The following PGAP4 variants were observed in gnomAD, a reference collection of about 807,000 sequenced individuals.
The protein encoded by PGAP4 is post-GPI attachment to proteins GalNAc transferase 4.
A neutral mutation model predicts 28.2 loss-of-function variants in PGAP4; 12 were observed. The observed-to-expected ratio is 0.42, with a 90% CI of 0.27 to 0.69. The LOEUF (loss-of-function observed/expected upper bound fraction) is 0.69, where lower values mean the gene tolerates loss of function less well. Among genes scored for constraint, PGAP4 ranks in the 30% least tolerant of loss-of-function variants. The pLI is 0.22. For missense variants in PGAP4, 425 were observed against 513.5 expected (o/e 0.83, Z 1.67); for synonymous variants, 205 against 211.8 (o/e 0.97, Z 0.28).
intron 2 of PGAP4, among the ~76,000 whole-genome samples, chr9:101,505,669 T>C (rs1178648391): frequency 6.6e-6 from 1 of 152,120 alleles, no homozygotes; most frequent in Non-Finnish European, 1.5e-5. Context: ...AAATGAGGGC[T>C]AGAGTTAAAG....
chr9:101,491,034 C>A (rs1329016138), upstream of PGAP4, among the ~76,000 whole-genome samples: 1 of 152,138 alleles, frequency 6.6e-6, no homozygotes, highest in Non-Finnish European at 1.5e-5. Context: ...GACCATTACA[C>A]CATTTAATAA....
intron 2 of PGAP4, among the ~76,000 whole-genome samples, chr9:101,494,314 G>A (rs1826717196): frequency 1.3e-5 from 2 of 151,644 alleles, no homozygotes; most frequent in Non-Finnish European, 2.9e-5. Flanking sequence ...ATTTATGAAT[G>A]GTTTTTACAT....
chr9:101,512,960 G>C (rs1826909947), intron 2 of PGAP4, among the ~76,000 whole-genome samples: 1 of 152,050 alleles, frequency 6.6e-6, no homozygotes, highest in Non-Finnish European at 1.5e-5. Context: ...GACACTTTGG[G>C]AGCTGAATTT....
intron 2 of PGAP4, among the ~76,000 whole-genome samples, chr9:101,509,474 A>T (rs769070951): frequency 2.0e-5 from 3 of 152,156 alleles, no homozygotes; most frequent in Non-Finnish European, 2.9e-5. Flanking sequence ...GCCAGTGGTG[A>T]CTATTTTTCT....
chr9:101,496,376 T>A (rs1826748128), intron 2 of PGAP4, among the ~76,000 whole-genome samples: 1 of 151,588 alleles, frequency 6.6e-6, no homozygotes, highest in Non-Finnish European at 1.5e-5. Context: ...GTTGAACTTT[T>A]GAGATGTAAA....
chr9:101,533,670 G>A (rs1432869931), upstream of PGAP4: 1 of 152,262 alleles, frequency 6.6e-6, no homozygotes. Flanking sequence ...TACTCTTAGA[G>A]GTCGTAGCCA....
At chr9:101,495,131 T>C (rs1826727797) in intron 2 of PGAP4, among the ~76,000 whole-genome samples, 1 of 124,688 alleles carries the variant, frequency 8.0e-6, no homozygotes, top group African/African-American at 3.0e-5. Flanking sequence ...TTATTTACTA[T>C]TTCTATAAGA....
At chr9:101,484,783 C>A (rs975603569) in intron 1 of PGAP4, among the ~76,000 whole-genome samples, 1 of 152,190 alleles carries the variant, frequency 6.6e-6, no homozygotes, top group East Asian at 1.9e-4. Context: ...GAATGTGTTA[C>A]AGCAGCTCAA....
At chr9:101,514,349 T>G (rs912686960) in intron 2 of PGAP4, among the ~76,000 whole-genome samples, 3 of 152,214 alleles carry the variant, frequency 2.0e-5, no homozygotes, top group Non-Finnish European at 2.9e-5. Flanking sequence ...TTTAACTGAT[T>G]AAAATATTTT....
chr9:101,514,273 C>T (rs991459890), intron 2 of PGAP4, among the ~76,000 whole-genome samples: 4 of 152,156 alleles, frequency 2.6e-5, no homozygotes, highest in African/African-American at 9.7e-5. Flanking sequence ...AATCTACATT[C>T]CTTTCGTGTC....
At chr9:101,483,784 T>C (rs1432348083) in intron 1 of PGAP4, among the ~76,000 whole-genome samples, 1 of 152,052 alleles carries the variant, frequency 6.6e-6, no homozygotes, top group African/African-American at 2.4e-5. Context: ...GCAACTCAAA[T>C]ATCTAGAAAT....
At chr9:101,528,582 G>A (rs1211026002) in intron 2 of PGAP4, among the ~76,000 whole-genome samples, 1 of 152,024 alleles carries the variant, frequency 6.6e-6, no homozygotes, top group Non-Finnish European at 1.5e-5. Flanking sequence ...CCAAGGCCAG[G>A]TGGGTTTCTA....
upstream of PGAP4, among the ~76,000 whole-genome samples, chr9:101,491,181 C>T (rs575202245): frequency 2.0e-5 from 3 of 152,132 alleles, no homozygotes; most frequent in African/African-American, 4.8e-5. Context: ...GGCAATGGTA[C>T]GCTTATTCTG....
At chr9:101,511,637 C>T (rs923284257) in intron 2 of PGAP4, among the ~76,000 whole-genome samples, 2 of 152,034 alleles carry the variant, frequency 1.3e-5, no homozygotes, top group African/African-American at 2.4e-5. Context: ...TAAGATGATA[C>T]AAAGAATCAG....
In PGAP4 at chr9:101,486,592, C is replaced by T. The variant is rs2118560215; in HGVS notation, c.-78+357G>A. ...CCCAGACTGGCACGCGCCCCGCTCG[C>T]GTCCTTCTATTGACCTGTCAGCGCA... On this transcript the variant is annotated intron_variant, in intron 1 of 1. Transcript: ENST00000374848. This position sits in a 1 kb window ranked among gnomAD's most constrained non-coding sequence, Gnocchi z 4.7. Among the ~76,000 whole-genome samples, 1 of 152,308 alleles carries T rather than the reference C, an allele frequency of 6.6e-6. No homozygotes were observed. Among genetic ancestry groups the T allele is most frequent in the South Asian group, 2.1e-4 (1 of 4,832 alleles).
chr9:101,485,559 A>C (rs1826594357), intron 1 of PGAP4, among the ~76,000 whole-genome samples: 1 of 152,222 alleles, frequency 6.6e-6, no homozygotes, highest in Non-Finnish European at 1.5e-5. Flanking sequence ...GGGCAGAAGA[A>C]TTAACAATCA....
rs71356369 is a variant in PGAP4 at position 101,523,619 on chromosome 9, C to CTTTTTTTTTT, written c.-165+7719_-165+7728dup. On this transcript the variant is annotated intron_variant, in intron 2 of 3. Transcript: ENST00000374851. ...ACATTTCTCCCCTCACTTCTTGTATCTTTTTTTTTTTTTTTTTTTTTTTTT... is the reference window on the plus strand; with the variant it reads ...ACATTTCTCCCCTCACTTCTTGTATCTTTTTTTTTTTTTTTTTTTTTTTTTTTTTTTTTTT... 6.5e-3 allele frequency among the ~76,000 whole-genome samples: 383 copies of CTTTTTTTTTT among 59,250 alleles called. 34 individuals are homozygous for CTTTTTTTTTT. The Middle Eastern group carries it at 0.067, about 10-fold the overall frequency. 38.9% of individuals were successfully genotyped at this position (59,250 alleles called of 152,430 possible). A position where few individuals can be genotyped will look rare whatever the true frequency, so the allele number is the denominator to read the frequency against.
intron 2 of PGAP4, among the ~76,000 whole-genome samples, chr9:101,512,056 T>A (rs1308715843): frequency 6.6e-6 from 1 of 152,130 alleles, no homozygotes; most frequent in Non-Finnish European, 1.5e-5. Context: ...AGAATGATGA[T>A]CACTGAGTGT....
chr9:101,523,619 C>CTTTTTTTTTTTTTTTTTTTTTTT lies in PGAP4; in HGVS notation c.-165+7706_-165+7728dup, dbSNP rs71356369. ...ACATTTCTCCCCTCACTTCTTGTAT[C>CTTTTTTTTTTTTTTTTTTTTTTT]TTTTTTTTTTTTTTTTTTTTTTTTT... On this transcript the variant is annotated intron_variant, in intron 2 of 3. Transcript: ENST00000374851. Among the ~76,000 whole-genome samples the CTTTTTTTTTTTTTTTTTTTTTTT allele has an allele frequency of 4.0e-4, 24 of 59,344 alleles. 1 individual carries two copies. Among genetic ancestry groups the CTTTTTTTTTTTTTTTTTTTTTTT allele is most frequent in the African/African-American group, 9.9e-4 (14 of 14,124 alleles). The allele number at this position is 59,344 out of a possible 152,430, so 38.9% of individuals were successfully genotyped here.
Sources: gnomAD v4.1 joint callset for allele counts (sites outside exome capture counted in the v4.1 genomes callset) on GRCh38, gnomAD v4.1.1 for gene constraint, Gnocchi (gnomAD v3.1) non-coding constraint, MANE v1.5 for transcripts, NCBI Gene and HGNC (gene_info 2026-07-23, HGNC 2026-07-21) for gene names.